GAREM2: variants seen among roughly 807,000 people sequenced by gnomAD.
The protein encoded by GAREM2 is GRB2-associated and regulator of MAPK protein 2.
Under a neutral mutation model 55.6 loss-of-function variants are expected in GAREM2, and 30 were observed. The observed-to-expected ratio is 0.54, with a 90% CI of 0.40 to 0.73. GAREM2 has a LOEUF of 0.73. GAREM2 is among the 30% of genes least tolerant of loss of function. The pLI is 0.00. For synonymous variants in GAREM2, 550 were observed against 569.1 expected, an observed-to-expected ratio of 0.97 and a Z score of 0.48; for missense variants, 1,075 against 1,257.7, an observed-to-expected ratio of 0.85 and a Z score of 2.20.
the GAREM2 span, among the ~76,000 whole-genome samples, chr2:26,202,289 A>G: frequency 6.6e-5 from 10 of 152,332 alleles, no homozygotes; most frequent in Non-Finnish European, 1.2e-4. Context: ...TTCGTCGCCA[A>G]GGGAAACAGG....
downstream of GAREM2, among the ~76,000 whole-genome samples, chr2:26,193,218 A>G (rs551278827): frequency 6.6e-6 from 1 of 151,718 alleles, no homozygotes; most frequent in African/African-American, 2.4e-5. Flanking sequence ...AGGTGATGCT[A>G]GAGCCCCAGA....
chr2:26,176,236 G>A, intron 1 of GAREM2, 108 bp from the exon 2 acceptor site: 1 of 1,094,376 alleles, frequency 9.1e-7, no homozygotes, highest in Non-Finnish European at 1.2e-6. Context: ...GTGTGGAGCT[G>A]TCCCTCAGGG....
chr2:26,191,371 T>A, downstream of GAREM2: 1 of 1,614,128 alleles, frequency 6.2e-7, no homozygotes, highest in Non-Finnish European at 8.5e-7. Context: ...CTGGGCGCCA[T>A]ACAGATCCAC....
the GAREM2 span, among the ~76,000 whole-genome samples, chr2:26,200,864 C>T: frequency 6.6e-6 from 1 of 152,100 alleles, no homozygotes; most frequent in East Asian, 1.9e-4. Context: ...TCCCAAATAG[C>T]TGGGACTACA....
At chr2:26,202,616 C>G in the GAREM2 span, among the ~76,000 whole-genome samples, 1 of 152,174 alleles carries the variant, frequency 6.6e-6, no homozygotes, top group African/African-American at 2.4e-5. Context: ...TGGCGCATGC[C>G]TGTAGTCTCA....
In GAREM2 at chr2:26,189,025, C is replaced by T. The variant is rs2241739; in HGVS notation, c.*768C>T. Reference sequence around the variant, plus strand: ...ACTTTACTGCAGCTAGTCATCCATCCGTCAGGTGGCGTTCAGTCTCAGAAT... The same window carrying T: ...ACTTTACTGCAGCTAGTCATCCATCTGTCAGGTGGCGTTCAGTCTCAGAAT... On this transcript the variant is annotated 3_prime_UTR_variant, in exon 6 of 6. Coordinates refer to ENST00000401533, the MANE Select transcript of GAREM2 (RefSeq NM_001168241.2). 0.76 allele frequency: 115,896 copies of T among 152,166 alleles called. 44,125 individuals are homozygous for T. The highest frequency in any genetic ancestry group is 0.85 in the East Asian group (4,384 of 5,178). The allele number at this position is 152,166 out of a possible 1,614,324, so 9.4% of individuals were successfully genotyped here.
At chr2:26,173,376 T>C in intron 1 of GAREM2, 44 bp downstream of exon 1, 1 of 1,121,880 alleles carries the variant, frequency 8.9e-7, no homozygotes, top group South Asian at 2.1e-5. Context: ...CGCGGGGAAA[T>C]GGTGGGCTCT....
At chr2:26,194,472 G>T, downstream of GAREM2, 1 of 806,964 alleles carries the variant, frequency 1.2e-6, no homozygotes, top group South Asian at 1.4e-5. Context: ...AGGAGTTGGT[G>T]TATCAGAAGG....
Position 26,187,875 on chromosome 2 carries a change from T to C in GAREM2, c.2243T>C (p.Leu748Ser), listed in dbSNP as rs1323801291. Residue 748 changes from leucine to serine, a missense_variant, in exon 6 of 6, where the codon TTG becomes TCG. This residue lies in a region of GAREM2 where 142 missense variants were observed against 172.3 expected (regional missense o/e 0.82). Coordinates refer to ENST00000401533, the MANE Select transcript of GAREM2 (RefSeq NM_001168241.2). The part of the protein sequence containing the change: ...GPSKAFEPEG[L>S]VLHQVPTPLS... ...TCCAAGGCCTTTGAGCCTGAAGGTT[T>C]GGTGCTGCACCAGGTCCCCACCCCA... 1.4e-6 allele frequency: 2 copies of C among 1,438,638 alleles called. No homozygotes were observed. Among genetic ancestry groups the C allele is most frequent in the Non-Finnish European group, 9.2e-7 (1 of 1,090,892 alleles). The allele number at this position is 1,438,638 out of a possible 1,614,324, so 89.1% of individuals were successfully genotyped here.
chr2:26,182,017 C>G (rs1669066722), intron 2 of GAREM2: 2 of 994,414 alleles, frequency 2.0e-6, no homozygotes, highest in South Asian at 9.2e-5. Context: ...CTTGTCTTCT[C>G]TCGACTTGTT....
In GAREM2 at chr2:26,184,908, C is replaced by A; in HGVS notation, c.1060C>A (p.Pro354Thr). The stretch of plus-strand genomic sequence containing the variant: ...CTCCTACTGCCGCGAGCGCTTCGAC[C>A]CCGACGAGTACTCCACGGCCGTGCG... ...SASYCRERFD[P>T]DEYSTAVREA... is the part of the protein sequence containing the mutation. The change falls in exon 4 of 6, where the codon CCC (proline) becomes ACC (threonine). Residue 354 changes from proline to threonine, a missense_variant. Coordinates refer to ENST00000401533, the MANE Select transcript of GAREM2 (RefSeq NM_001168241.2). The A allele has an allele frequency of 1.4e-6, 2 of 1,448,148 alleles. No homozygotes were observed. Among genetic ancestry groups the A allele is most frequent in the Non-Finnish European group, 1.8e-6 (2 of 1,110,010 alleles). 89.7% of individuals were successfully genotyped at this position (1,448,148 alleles called of 1,614,324 possible). A position where few individuals can be genotyped will look rare whatever the true frequency, so the allele number is the denominator to read the frequency against.
intron 3 of GAREM2, 107 bp downstream of exon 3, chr2:26,183,204 G>C: frequency 7.8e-7 from 1 of 1,287,030 alleles, no homozygotes; most frequent in Non-Finnish European, 1.1e-6. Context: ...AAGGAGAGCG[G>C]CTCCTGGGGA....
At chr2:26,173,969 G>A (rs924457739) in intron 1 of GAREM2, among the ~76,000 whole-genome samples, 3 of 152,088 alleles carry the variant, frequency 2.0e-5, no homozygotes. Flanking sequence ...CCGCTCGGCT[G>A]ATGGAACCAC....
downstream of GAREM2, chr2:26,193,548 G>A: frequency 6.5e-7 from 1 of 1,538,290 alleles, no homozygotes; most frequent in Non-Finnish European, 9.0e-7. Context: ...AACTAATGGT[G>A]CTAGTTATGT....
chr2:26,186,385 G>A, intron 5 of GAREM2, 27 bp downstream of exon 5: 1 of 1,547,258 alleles, frequency 6.5e-7, no homozygotes, highest in East Asian at 2.4e-5. Context: ...CCTTGGTCCT[G>A]AGTTCTAAGG....
chr2:26,191,470 C>T (rs1440102403), downstream of GAREM2: 2 of 1,614,198 alleles, frequency 1.2e-6, no homozygotes, highest in South Asian at 2.2e-5. Context: ...CCTTCCCAAC[C>T]TGCGAGACCA....
At position 26,185,244 on chromosome 2, in the gene GAREM2, C is replaced by T. The variant is rs1456955582; in HGVS notation, c.1396C>T (p.Pro466Ser). ...ACCGCCGCGTCGGGAGCCGGAAGCGCCGCCGCCTCCAGTCCCTCCCAAATC... is the reference window on the plus strand; with the variant it reads ...ACCGCCGCGTCGGGAGCCGGAAGCGTCGCCGCCTCCAGTCCCTCCCAAATC... ...AGPPRREPEAPPPPVPPKSEA... is the reference protein window; with the variant it reads ...AGPPRREPEASPPPVPPKSEA... Residue 466 changes from proline to serine, a missense_variant, in exon 4 of 6, where the codon CCG becomes TCG. By Grantham distance (74) the Pro-to-Ser change is moderately conservative (BLOSUM62 -1). Around this residue, in one of 6 missense-constraint regions of GAREM2, gnomAD observed 515 missense variants for 501.5 expected, o/e 1.03. Transcript: ENST00000401533. 5.9e-6 allele frequency: 9 copies of T among 1,521,256 alleles called. No homozygotes were observed. The Admixed American group carries it at 1.8e-4, about 30-fold the overall frequency. 94.2% of individuals were successfully genotyped at this position (1,521,256 alleles called of 1,614,324 possible). A position where few individuals can be genotyped will look rare whatever the true frequency, so the allele number is the denominator to read the frequency against.
downstream of GAREM2, among the ~76,000 whole-genome samples, chr2:26,190,324 G>A (rs989245780): frequency 1.3e-5 from 2 of 151,856 alleles, no homozygotes; most frequent in Non-Finnish European, 2.9e-5. Context: ...GACCCAGTTA[G>A]CCCCAGTGCT....
intron 1 of GAREM2, among the ~76,000 whole-genome samples, chr2:26,174,913 CTA>C (rs1365738478): frequency 6.6e-6 from 1 of 152,156 alleles, no homozygotes; most frequent in African/African-American, 2.4e-5. Context: ...GAAGATGGGG[CTA>C]GGACCCAGGA....
Sources: allele counts gnomAD v4.1 joint callset (sites outside exome capture counted in the v4.1 genomes callset), GRCh38; gene constraint gnomAD v4.1.1; regional missense constraint gnomAD v4.1.1; transcripts MANE v1.5; gene names NCBI Gene and HGNC (gene_info 2026-07-23, HGNC 2026-07-21).